CALML4: variants seen among roughly 807,000 people sequenced by gnomAD.
CALML4 encodes the protein calmodulin-like protein 4.
Under a neutral mutation model 17.9 loss-of-function variants are expected in CALML4, and 16 were observed. The ratio of observed to expected loss-of-function variants is 0.89; its 90% CI spans 0.61 to 1.36. The LOEUF is 1.36. Ranked by LOEUF, CALML4 falls within the 40% of genes most tolerant of loss-of-function variation. The probability of loss-of-function intolerance (pLI) is 0.00; values close to 1 mark genes in which losing one functional copy is unlikely to be tolerated. For synonymous variants in CALML4, 86 were observed against 71.5 expected, an observed-to-expected ratio of 1.20 and a Z score of -1.02; for missense variants, 203 against 194.8, an observed-to-expected ratio of 1.04 and a Z score of -0.25.
chr15:68,194,138 CA>C (rs1303955017), intron 4 of CALML4, 26 bp from the exon 5 acceptor site: 10 of 1,589,262 alleles, frequency 6.3e-6, no homozygotes, highest in Non-Finnish European at 8.6e-6. Flanking sequence ...TTTAATTTTT[CA>C]GTTTGGCTTT....
At chr15:68,205,845 A>G, upstream of CALML4, 1 of 186,786 alleles carries the variant, frequency 5.4e-6, no homozygotes, top group South Asian at 1.0e-4. The surrounding 1 kb of genome is among the most constrained non-coding windows in gnomAD (Gnocchi z 4.8). Context: ...GAATCATTCT[A>G]CCTCAGTCTG....
intron 2 of CALML4, among the ~76,000 whole-genome samples, chr15:68,201,834 T>C (rs1291202657): frequency 1.3e-5 from 2 of 152,236 alleles, no homozygotes; most frequent in African/African-American, 4.8e-5. Context: ...GAGACCCAGC[T>C]GGGCTTCCTG....
rs2093163852 is a variant in CALML4, at chr15:68,200,992, T to C, written c.35-1311A>G. Among the ~76,000 whole-genome samples, 2 of 149,464 alleles carry C rather than the reference T, an allele frequency of 1.3e-5. No homozygotes were observed. The highest frequency in any genetic ancestry group is 6.6e-5 in the Admixed American group (1 of 15,098). ...CCAGGGCAGACACCACTGAGAGCAG[T>C]AGGGTGAGGGAGAGGATGCAGAAGG... On this transcript the variant is annotated intron_variant, in intron 2 of 4. Transcript: ENST00000467889. This position sits in a 1 kb window ranked among gnomAD's most constrained non-coding sequence, Gnocchi z 4.3.
chr15:68,199,814 A>C, intron 2 of CALML4, 133 bp from the exon 3 acceptor site: 6 of 931,158 alleles, frequency 6.4e-6, no homozygotes, highest in East Asian at 2.6e-5. Context: ...CTCCCCTCCC[A>C]AGGGTGCTAG....
rs762323678 is a variant in CALML4, at chr15:68,205,202, C to T, written c.3+43G>A. On this transcript the variant is annotated intron_variant, in intron 1 of 4. Transcript: ENST00000467889. This position sits in a 1 kb window ranked among gnomAD's most constrained non-coding sequence, Gnocchi z 4.8. ...AGGGGAGGGCTCCACCTGAGGTTCACGCCCCCAGCCCTGGCCAGGCCGACA... is the reference window on the plus strand; with the variant it reads ...AGGGGAGGGCTCCACCTGAGGTTCATGCCCCCAGCCCTGGCCAGGCCGACA... 18 of 1,614,042 alleles carry T rather than the reference C, an allele frequency of 1.1e-5. No homozygotes were observed. The highest frequency in any genetic ancestry group is 2.2e-5 in the East Asian group (1 of 44,890).
intron 4 of CALML4, among the ~76,000 whole-genome samples, chr15:68,195,832 T>A (rs890340696): frequency 1.3e-5 from 2 of 152,134 alleles, no homozygotes; most frequent in South Asian, 2.1e-4. Context: ...GAGATGTATG[T>A]GAGTCTGGGG....
chr15:68,195,204 C>A (rs1595808612), intron 4 of CALML4, among the ~76,000 whole-genome samples: 1 of 152,162 alleles, frequency 6.6e-6, no homozygotes, highest in African/African-American at 2.4e-5. Flanking sequence ...TTTAGCCTGT[C>A]CTCATCTCAC....
At position 68,191,644 on chromosome 15, in the gene CALML4, T is replaced by G. The variant is rs1448419063; in HGVS notation, c.*2371A>C. The G allele has an allele frequency of 6.5e-6, 1 of 152,674 alleles. No individual in the cohort carries two copies. Among genetic ancestry groups the G allele is most frequent in the Non-Finnish European group, 1.5e-5 (1 of 68,048 alleles). The allele number at this position is 152,674 out of a possible 1,614,324, so 9.5% of individuals were successfully genotyped here. ...GTAATGAATATAGCCATCATTTCCC[T>G]TTCTTGTTGAAATATGGCTAACTCT... On this transcript the variant is annotated 3_prime_UTR_variant, in exon 5 of 5. Transcript: ENST00000467889.
intron 4 of CALML4, among the ~76,000 whole-genome samples, chr15:68,194,933 TA>T (rs35301423): frequency 0.031 from 4,140 of 134,554 alleles, 157 homozygotes; most frequent in African/African-American, 0.1. Flanking sequence ...CCATCACCTC[TA>T]AAAAAAAAAA....
At chr15:68,195,264 C>T (rs1406103342) in intron 4 of CALML4, among the ~76,000 whole-genome samples, 5 of 152,166 alleles carry the variant, frequency 3.3e-5, no homozygotes, top group South Asian at 2.1e-4. Flanking sequence ...CACACACCTC[C>T]GGTCGTCAGT....
intron 2 of CALML4, among the ~76,000 whole-genome samples, chr15:68,202,661 T>G (rs76228561): frequency 2.6e-5 from 4 of 151,126 alleles, no homozygotes; most frequent in African/African-American, 4.9e-5. Flanking sequence ...TTTTTTTTTT[T>G]TGAGAGAGTT....
Position 68,200,429 on chromosome 15 carries a change from G to C in CALML4, c.35-748C>G, listed in dbSNP as rs74020074. On this transcript the variant is annotated intron_variant, in intron 2 of 4. Transcript: ENST00000467889. The surrounding 1 kb of genome is among the most constrained non-coding windows in gnomAD (Gnocchi z 4.3). ...TGAAGCCCTTTCTCCTTCGGTACTT[G>C]GTGGAGGTGGAAGGCAGCCGGAGCT... 0.026 allele frequency among the ~76,000 whole-genome samples: 3,913 copies of C among 152,272 alleles called. 160 individuals carry two copies. The highest frequency in any genetic ancestry group is 0.088 in the African/African-American group (3,674 of 41,530).
intron 2 of CALML4, among the ~76,000 whole-genome samples, chr15:68,203,498 T>A (rs1431727436): frequency 2.6e-5 from 4 of 152,342 alleles, no homozygotes; most frequent in South Asian, 4.1e-4. Context: ...TTTGTACAGA[T>A]AGATGTAGGG....
intron 2 of CALML4, 155 bp from the exon 3 acceptor site, chr15:68,199,836 G>GA (rs773485765): frequency 4.4e-6 from 3 of 683,712 alleles, no homozygotes; most frequent in Non-Finnish European, 6.8e-6. Context: ...TACAGCAAAT[G>GA]AAAATACAGG....
At chr15:68,203,328 C>A (rs1213500128) in intron 2 of CALML4, among the ~76,000 whole-genome samples, 1 of 152,216 alleles carries the variant, frequency 6.6e-6, no homozygotes, top group Non-Finnish European at 1.5e-5. Flanking sequence ...AGCTGCGCGC[C>A]AATGAGTGCG....
Position 68,204,377 on chromosome 15 carries a change from A to G in CALML4, c.34+744T>C, listed in dbSNP as rs576498511. Among the ~76,000 whole-genome samples, 2 of 152,292 alleles carry G rather than the reference A, an allele frequency of 1.3e-5. No individual in the cohort carries two copies. The highest frequency in any genetic ancestry group is 3.9e-4 in the East Asian group (2 of 5,166). On this transcript the variant is annotated intron_variant, in intron 2 of 4. Transcript: ENST00000467889. The surrounding 1 kb of genome is among the most constrained non-coding windows in gnomAD (Gnocchi z 6.0). ...GATGCCTCGGGGGACTCTCAGGCCC[A>G]TTGACGTCCACTGTTGGGACAGGTT...
At chr15:68,201,109 C>T (rs2141128880) in intron 2 of CALML4, among the ~76,000 whole-genome samples, 1 of 152,330 alleles carries the variant, frequency 6.6e-6, no homozygotes, top group South Asian at 2.1e-4. Flanking sequence ...AGGGGGGTCA[C>T]TAAAGACAGG....
chr15:68,205,620 C>A (rs893993092), upstream of CALML4: 4 of 532,634 alleles, frequency 7.5e-6, no homozygotes, highest in Non-Finnish European at 1.3e-5. This position sits in a 1 kb window ranked among gnomAD's most constrained non-coding sequence, Gnocchi z 4.8. Context: ...TGCCATCAGG[C>A]CCCTACTAGA....
At chr15:68,205,497 C>CA, upstream of CALML4, 1 of 1,247,688 alleles carries the variant, frequency 8.0e-7, no homozygotes. The surrounding 1 kb of genome is among the most constrained non-coding windows in gnomAD (Gnocchi z 4.8). Context: ...TCCCTGGGCT[C>CA]AGAGTCTCTG....
Sources: gnomAD v4.1 joint callset for allele counts (sites outside exome capture counted in the v4.1 genomes callset) on GRCh38, gnomAD v4.1.1 for gene constraint, Gnocchi (gnomAD v3.1) non-coding constraint, MANE v1.5 for transcripts, NCBI Gene and HGNC (gene_info 2026-07-23, HGNC 2026-07-21) for gene names.